Variants in HPSE2 observed in about 807,000 individuals in gnomAD.
HPSE2 encodes the protein inactive heparanase-2.
A neutral mutation model predicts 60.5 loss-of-function variants in HPSE2; 38 were observed. The ratio of observed to expected loss-of-function variants is 0.63; its 90% CI spans 0.48 to 0.82. The LOEUF (loss-of-function observed/expected upper bound fraction) is 0.82, where lower values mean the gene tolerates loss of function less well. Among genes scored for constraint, HPSE2 ranks in the 40% least tolerant of loss-of-function variants. The pLI is 0.00. For synonymous variants in HPSE2, 295 were observed against 293.2 expected (o/e 1.01, Z -0.06); for missense variants, 713 against 740.4 (o/e 0.96, Z 0.43).
intron 3 of HPSE2, among the ~76,000 whole-genome samples, chr10:98,895,091 G>T (rs189180126): frequency 6.6e-6 from 1 of 151,968 alleles, no homozygotes; most frequent in Non-Finnish European, 1.5e-5. Flanking sequence ...AAAAATTTAG[G>T]AGTGTTTACC....
At chr10:98,892,211 G>A (rs1953354229) in intron 3 of HPSE2, among the ~76,000 whole-genome samples, 1 of 152,012 alleles carries the variant, frequency 6.6e-6, no homozygotes, top group African/African-American at 2.4e-5. Flanking sequence ...TTAAGTGAAA[G>A]GGGGAAAAAA....
chr10:99,230,472 T>C (rs1260164494), intron 2 of HPSE2, among the ~76,000 whole-genome samples: 1 of 152,098 alleles, frequency 6.6e-6, no homozygotes, highest in Non-Finnish European at 1.5e-5. Flanking sequence ...GGAATGATCC[T>C]ATACTGGCCC....
intron 3 of HPSE2, among the ~76,000 whole-genome samples, chr10:99,083,330 G>A (rs560526753): frequency 1.3e-5 from 2 of 152,170 alleles, no homozygotes; most frequent in Non-Finnish European, 2.9e-5. Flanking sequence ...TTCATGAAAA[G>A]AGTATCCATC....
At chr10:99,048,919 T>C (rs529693921) in intron 3 of HPSE2, among the ~76,000 whole-genome samples, 1 of 152,314 alleles carries the variant, frequency 6.6e-6, no homozygotes, top group African/African-American at 2.4e-5. Flanking sequence ...TCAAATCCTG[T>C]TACTTGCAGC....
intron 3 of HPSE2, among the ~76,000 whole-genome samples, chr10:98,893,097 C>T (rs566174369): frequency 1.2e-4 from 18 of 151,016 alleles, no homozygotes; most frequent in African/African-American, 2.7e-4. Flanking sequence ...GATGGAGTTT[C>T]GCTCTTGTTG....
chr10:98,590,859 G>A (rs1413625059), intron 9 of HPSE2, among the ~76,000 whole-genome samples: 1 of 152,134 alleles, frequency 6.6e-6, no homozygotes, highest in Admixed American at 6.5e-5. Flanking sequence ...CTTTGTGTCT[G>A]AGTTTCTCTA....
intron 9 of HPSE2, among the ~76,000 whole-genome samples, chr10:98,605,303 T>C (rs889559572): frequency 6.6e-6 from 1 of 152,236 alleles, no homozygotes; most frequent in South Asian, 2.1e-4. Flanking sequence ...ATCCATCATC[T>C]ATTAACTCTC....
rs564412674 is a variant in HPSE2, at chr10:98,497,138, G to A, written c.1321-6942C>T. On this transcript the variant is annotated intron_variant, in intron 9 of 11. Transcript: ENST00000370552. ...GTATCATATAATGAATAACCTATCC[G>A]TAAGCCCATCCTTATCACATACTAA... is the stretch of plus-strand genomic sequence containing the variant. Among the ~76,000 whole-genome samples the A allele has an allele frequency of 2.4e-4, 37 of 151,982 alleles. No individual in the cohort carries two copies. The East Asian group carries it at 4.6e-3, about 19-fold the overall frequency.
the HPSE2 span, among the ~76,000 whole-genome samples, chr10:99,276,227 G>A: frequency 6.6e-6 from 1 of 152,154 alleles, no homozygotes; most frequent in South Asian, 2.1e-4. Flanking sequence ...AACAACTACA[G>A]TGAGCCAGAC....
At chr10:99,032,077 A>G (rs1957510583) in intron 3 of HPSE2, among the ~76,000 whole-genome samples, 1 of 152,200 alleles carries the variant, frequency 6.6e-6, no homozygotes, top group African/African-American at 2.4e-5. Context: ...TATAAGCACA[A>G]TAATCTCAAT....
intron 2 of HPSE2, among the ~76,000 whole-genome samples, chr10:99,153,861 T>G (rs970136101): frequency 1.3e-5 from 2 of 150,994 alleles, no homozygotes; most frequent in African/African-American, 4.9e-5. Context: ...TGAAAAAAAT[T>G]TAGAAGAATG....
Position 99,058,506 on chromosome 10 carries a change from TCCAAATTTCCCAATACCAG to T in HPSE2, c.610+85713_610+85731del, listed in dbSNP as rs1958163948. Among the ~76,000 whole-genome samples the T allele has an allele frequency of 2.6e-5, 4 of 152,268 alleles. No individual in the cohort carries two copies. In the East Asian group the frequency reaches 5.8e-4, roughly 22 times the overall value. ...ATGGCACTCAAACTTTTGGATCTGATCCAAATTTCCCAATACCAGCCAACAAAGCTTCATTTTCATATTC... is the reference window on the plus strand; with the variant it reads ...ATGGCACTCAAACTTTTGGATCTGATCCAACAAAGCTTCATTTTCATATTC... On this transcript the variant is annotated intron_variant, in intron 3 of 11. Transcript: ENST00000370552.
intron 9 of HPSE2, among the ~76,000 whole-genome samples, chr10:98,518,252 G>C (rs1942667417): frequency 6.6e-6 from 1 of 152,160 alleles, no homozygotes; most frequent in Non-Finnish European, 1.5e-5. Flanking sequence ...CAGAGGTTTT[G>C]TTTCATTCTG....
chr10:98,498,307 G>T (rs1328976074), intron 9 of HPSE2, among the ~76,000 whole-genome samples: 1 of 152,170 alleles, frequency 6.6e-6, no homozygotes, highest in South Asian at 2.1e-4. Flanking sequence ...CCCATAGATG[G>T]TTCCCATCAC....
chr10:98,859,145 T>C (rs1952390917), intron 3 of HPSE2, among the ~76,000 whole-genome samples: 1 of 152,206 alleles, frequency 6.6e-6, no homozygotes. Context: ...TCTACATCCA[T>C]TGATAAGGTT....
chr10:99,128,818 A>C (rs900840141), intron 3 of HPSE2, among the ~76,000 whole-genome samples: 4 of 152,164 alleles, frequency 2.6e-5, no homozygotes, highest in African/African-American at 9.7e-5. Context: ...CATATCCTGC[A>C]CATGTATCCC....
Position 98,936,009 on chromosome 10 carries a change from G to A in HPSE2, c.611-191953C>T, listed in dbSNP as rs1954778770. On this transcript the variant is annotated intron_variant, in intron 3 of 11. Coordinates refer to ENST00000370552, the MANE Select transcript of HPSE2 (RefSeq NM_021828.5). The stretch of plus-strand genomic sequence containing the variant: ...CTGCAGGGATGCCCTGCCCGGTGAG[G>A]GGGTATCTAGAGAAGTAGTCTGGCC... 1.5e-4 allele frequency among the ~76,000 whole-genome samples: 21 copies of A among 144,550 alleles called. 3 individuals are homozygous for A. Among genetic ancestry groups the A allele is most frequent in the Admixed American group, 1.4e-3 (21 of 14,598 alleles). The allele number at this position is 144,550 out of a possible 152,430, so 94.8% of individuals were successfully genotyped here.
chr10:98,839,340 C>T (rs1353575602), intron 3 of HPSE2, among the ~76,000 whole-genome samples: 1 of 152,028 alleles, frequency 6.6e-6, no homozygotes, highest in African/African-American at 2.4e-5. Flanking sequence ...GAAGCCTCCC[C>T]AATACTCTGT....
chr10:98,988,342 A>G (rs1287302570), intron 3 of HPSE2, among the ~76,000 whole-genome samples: 3 of 152,310 alleles, frequency 2.0e-5, no homozygotes, highest in African/African-American at 4.8e-5. Flanking sequence ...ATAACACCAC[A>G]TATCTACAGC....
Sources: gnomAD v4.1 joint callset for allele counts (sites outside exome capture counted in the v4.1 genomes callset) on GRCh38, gnomAD v4.1.1 for gene constraint, MANE v1.5 for transcripts, NCBI Gene and HGNC (gene_info 2026-07-23, HGNC 2026-07-21) for gene names.